The following MFN1 variants were observed in gnomAD, a reference collection of about 807,000 sequenced individuals.
MFN1 encodes the protein mitofusin 1.
MFN1 carries 65 observed loss-of-function variants against 92.4 expected under a neutral mutation model. The observed-to-expected ratio is 0.70, with a 90% CI of 0.58 to 0.86. MFN1 has a LOEUF of 0.86. Ranked by LOEUF, MFN1 falls within the 40% of genes least tolerant of loss-of-function variation. The probability of loss-of-function intolerance (pLI) is 0.00; values close to 1 mark genes in which losing one functional copy is unlikely to be tolerated. For synonymous variants in MFN1, 297 were observed against 300.9 expected, an observed-to-expected ratio of 0.99 and a Z score of 0.13; for missense variants, 781 against 868.0, an observed-to-expected ratio of 0.90 and a Z score of 1.26.
chr3:179,377,284 T>A, intron 11 of MFN1, 60 bp from the exon 12 acceptor site: 1 of 1,525,924 alleles, frequency 6.6e-7, no homozygotes, highest in Non-Finnish European at 8.9e-7. Flanking sequence ...CAATTTAATT[T>A]TTTTGAATAA....
intron 14 of MFN1, among the ~76,000 whole-genome samples, chr3:179,384,765 T>TCTCAAGCTATCCTCCTGCC (rs1713606008): frequency 6.6e-6 from 1 of 152,168 alleles, no homozygotes; most frequent in Non-Finnish European, 1.5e-5. Flanking sequence ...AAACTCCTGG[T>TCTCAAGCTATCCTCCTGCC]CTCAAGCTAT....
At chr3:179,355,042 C>T (rs1359460236) in intron 3 of MFN1, among the ~76,000 whole-genome samples, 4 of 152,130 alleles carry the variant, frequency 2.6e-5, no homozygotes, top group Non-Finnish European at 4.4e-5. Context: ...GGCCATCCAC[C>T]CACCTCGGCC....
intron 4 of MFN1, among the ~76,000 whole-genome samples, chr3:179,361,816 G>A (rs1251992922): frequency 6.6e-6 from 1 of 152,154 alleles, no homozygotes; most frequent in African/African-American, 2.4e-5. Flanking sequence ...GGAATTACTG[G>A]CATGAGCCAC....
chr3:179,366,348 G>A (rs1712793283), intron 7 of MFN1, among the ~76,000 whole-genome samples: 1 of 151,606 alleles, frequency 6.6e-6, no homozygotes, highest in African/African-American at 2.4e-5. Context: ...TTATACTCCT[G>A]CCAGCAGATT....
chr3:179,349,261 TGAA>T (rs1480962302), intron 2 of MFN1, among the ~76,000 whole-genome samples: 1 of 152,178 alleles, frequency 6.6e-6, no homozygotes, highest in Non-Finnish European at 1.5e-5. Context: ...ATTTTAAAGA[TGAA>T]GAGACGAAGT....
intron 3 of MFN1, among the ~76,000 whole-genome samples, chr3:179,353,643 C>T (rs966738971): frequency 2.0e-5 from 3 of 152,142 alleles, no homozygotes; most frequent in Admixed American, 6.6e-5. Flanking sequence ...GAGTAGGAGG[C>T]GTACATTGGT....
Position 179,390,020 on chromosome 3 carries a change from T to C in MFN1, c.2029T>C (p.Phe677Leu). ...TATTTTAAGACAAATAGCTACCACT[T>C]TTGCTCGCCTGTGCCAACAAGTTGA... ...HQVKQQIATT[F>L]ARLCQQVDIT... The change falls in exon 17 of 18, where the codon TTT (phenylalanine) becomes CTT (leucine). Residue 677 changes from phenylalanine to leucine, a missense_variant. Transcript: ENST00000471841. 1 of 1,600,374 alleles carries C rather than the reference T, an allele frequency of 6.2e-7. No individual in the cohort carries two copies. Among genetic ancestry groups the C allele is most frequent in the Non-Finnish European group, 8.5e-7 (1 of 1,176,374 alleles).
At chr3:179,384,942 G>A (rs916107522) in intron 14 of MFN1, among the ~76,000 whole-genome samples, 1 of 104,886 alleles carries the variant, frequency 9.5e-6, no homozygotes, top group Non-Finnish European at 1.7e-5. Context: ...GTTTCACTCT[G>A]TTGTCCAGAC....
Position 179,358,476 on chromosome 3 carries a change from A to G in MFN1, c.249-364A>G, listed in dbSNP as rs534600618. ...CCACCCACTGTCACTTCTGATGTGC[A>G]TTATTTGTTGAAGCAGTCACAAACC... On this transcript the variant is annotated intron_variant, in intron 3 of 17. Coordinates refer to ENST00000471841, the MANE Select transcript of MFN1 (RefSeq NM_033540.3). Among the ~76,000 whole-genome samples, 27 of 152,238 alleles carry G rather than the reference A, an allele frequency of 1.8e-4. No individual in the cohort carries two copies. In the South Asian group the frequency reaches 5.6e-3, roughly 32 times the overall value.
intron 1 of MFN1, 106 bp from the exon 2 acceptor site, chr3:179,348,739 C>A: frequency 6.7e-7 from 1 of 1,486,286 alleles, no homozygotes; most frequent in Non-Finnish European, 9.1e-7. Flanking sequence ...ATTTTGCCAG[C>A]ATAATTTATT....
intron 3 of MFN1, among the ~76,000 whole-genome samples, chr3:179,356,207 G>A (rs1467967924): frequency 6.6e-6 from 1 of 152,200 alleles, no homozygotes; most frequent in African/African-American, 2.4e-5. Flanking sequence ...AAGGTTAAGT[G>A]ATCAGGGGAT....
Position 179,369,681 on chromosome 3 carries a change from C to G in MFN1, c.975+1578C>G, listed in dbSNP as rs542029610. On this transcript the variant is annotated intron_variant, in intron 9 of 17. Transcript: ENST00000471841. ...GCTTTAGAGAACCACAGGCTCCTGA[C>G]CTATCCTATCCCCAACCCCAGATCC... Among the ~76,000 whole-genome samples the G allele has an allele frequency of 3.9e-5, 6 of 152,256 alleles. No homozygotes were observed. The South Asian group carries it at 1.2e-3, about 32-fold the overall frequency.
intron 9 of MFN1, 38 bp from the exon 10 acceptor site, chr3:179,375,182 G>T (rs1713189605): frequency 6.5e-7 from 1 of 1,543,504 alleles, no homozygotes; most frequent in South Asian, 1.2e-5. Flanking sequence ...TGTTGCGATG[G>T]AATTACAGTA....
rs1447726430 is a variant in MFN1 at position 179,362,370 on chromosome 3, C to A, written c.424C>A (p.Leu142Met). The A allele has an allele frequency of 6.2e-7, 1 of 1,608,134 alleles. No individual in the cohort carries two copies. The change falls in exon 5 of 18, where the codon CTG (leucine) becomes ATG (methionine). Residue 142 changes from leucine to methionine, a missense_variant. Leu to Met is a conservative substitution (Grantham distance 15). Transcript: ENST00000471841. ...EKKSVKTVNQ[L>M]AHALHMDKDL... ...CCTCCTGCTTTAGACAGTTAATCAACTGGCCCATGCCCTTCACATGGACAA... is the reference window on the plus strand; with the variant it reads ...CCTCCTGCTTTAGACAGTTAATCAAATGGCCCATGCCCTTCACATGGACAA...
intron 15 of MFN1, 93 bp from the exon 16 acceptor site, chr3:179,386,340 C>T: frequency 1.0e-6 from 1 of 978,028 alleles, no homozygotes; most frequent in South Asian, 1.6e-5. Context: ...ATGTATCTAA[C>T]TCAAAGATCC....
Position 179,377,029 on chromosome 3 carries a change from TA to T in MFN1, c.1098-12del, listed in dbSNP as rs1338118053. 6.2e-7 allele frequency: 1 copy of T among 1,612,580 alleles called. No individual in the cohort carries two copies. Among genetic ancestry groups the T allele is most frequent in the East Asian group, 2.2e-5 (1 of 44,758 alleles). ...ACTACCCTGAACGTTGATTACTCTT[TA>T]TACTGAAATAGGCATTATTCAGTGG... On this transcript the variant is annotated splice_polypyrimidine_tract_variant and intron_variant, in intron 10 of 17. Coordinates refer to ENST00000471841, the MANE Select transcript of MFN1 (RefSeq NM_033540.3).
intron 3 of MFN1, among the ~76,000 whole-genome samples, chr3:179,353,148 G>A (rs897225371): frequency 6.6e-6 from 1 of 150,976 alleles, no homozygotes; most frequent in African/African-American, 2.4e-5. Flanking sequence ...CCGCCTCCCG[G>A]GTTCAAGCAA....
Position 179,385,596 on chromosome 3 carries a change from A to T in MFN1, c.1690A>T (p.Thr564Ser). The change falls in exon 15 of 18, where the codon ACT (threonine) becomes TCT (serine). Residue 564 changes from threonine to serine, a missense_variant. Physicochemically the swap from Thr to Ser is moderately conservative, Grantham distance 58. Transcript: ENST00000471841. ...QLPRSLASTP[T>S]APTTPATPDN... Reference sequence around the variant, plus strand: ...CCCTAGATCTTTAGCTTCTACTCCCACTGCTCCTACCACTCCAGCAACGCC... The same window carrying T: ...CCCTAGATCTTTAGCTTCTACTCCCTCTGCTCCTACCACTCCAGCAACGCC... 1.2e-6 allele frequency: 2 copies of T among 1,610,154 alleles called. No homozygotes were observed. Among genetic ancestry groups the T allele is most frequent in the South Asian group, 2.2e-5 (2 of 90,598 alleles).
At chr3:179,348,666 T>A in intron 1 of MFN1, 179 bp from the exon 2 acceptor site, 1 of 840,318 alleles carries the variant, frequency 1.2e-6, no homozygotes. Context: ...TAGTGAAATA[T>A]CATTCAAAAG....
Sources: allele counts gnomAD v4.1 joint callset (sites outside exome capture counted in the v4.1 genomes callset), GRCh38; gene constraint gnomAD v4.1.1; transcripts MANE v1.5; gene names NCBI Gene and HGNC (gene_info 2026-07-23, HGNC 2026-07-21).